Variants in SEZ6L observed in about 807,000 individuals in gnomAD.
The protein encoded by SEZ6L is seizure 6-like protein.
A neutral mutation model predicts 106.2 loss-of-function variants in SEZ6L; 37 were observed. That is an observed-to-expected ratio of 0.35 (90% CI 0.27 to 0.46). The LOEUF (loss-of-function observed/expected upper bound fraction) is 0.46. SEZ6L is among the 20% of genes least tolerant of loss of function. The pLI is 1.00. For synonymous variants in SEZ6L, 541 were observed against 570.4 expected (o/e 0.95, Z 0.73); for missense variants, 1,172 against 1,332.8 (o/e 0.88, Z 1.88).
At chr22:26,265,734 C>G (rs935089946) in intron 1 of SEZ6L, among the ~76,000 whole-genome samples, 1 of 152,144 alleles carries the variant, frequency 6.6e-6, no homozygotes, top group Non-Finnish European at 1.5e-5. Flanking sequence ...TAGAATAAAC[C>G]AGGTCATTCT....
chr22:26,266,530 A>ATG (rs2080189605), intron 1 of SEZ6L, among the ~76,000 whole-genome samples: 1 of 151,776 alleles, frequency 6.6e-6, no homozygotes, highest in African/African-American at 2.4e-5. Context: ...CCGAGATCGC[A>ATG]CCACTGCACT....
At chr22:26,347,199 A>G (rs1044101908) in intron 10 of SEZ6L, among the ~76,000 whole-genome samples, 10 of 149,728 alleles carry the variant, frequency 6.7e-5, no homozygotes, top group African/African-American at 2.2e-4. Flanking sequence ...CTGTAAAAAT[A>G]ATGATGATGA....
rs193207639 is a variant in SEZ6L, at chr22:26,351,827, A to G, written c.2599+584A>G. On this transcript the variant is annotated intron_variant, in intron 12 of 16. Coordinates refer to ENST00000248933, the MANE Select transcript of SEZ6L (RefSeq NM_021115.5). Reference sequence around the variant, plus strand: ...CTCCCAAAGTGCTGGGATTACAGGCATGAGCCACCACCCTGGCTTCACTGA... The same window carrying G: ...CTCCCAAAGTGCTGGGATTACAGGCGTGAGCCACCACCCTGGCTTCACTGA... Among the ~76,000 whole-genome samples, 910 of 151,324 alleles carry G rather than the reference A, an allele frequency of 6.0e-3. 3 individuals carry two copies. Among genetic ancestry groups the G allele is most frequent in the Non-Finnish European group, 1.0e-2 (676 of 67,852 alleles).
At chr22:26,214,435 A>G (rs1410412483) in intron 1 of SEZ6L, among the ~76,000 whole-genome samples, 1 of 152,232 alleles carries the variant, frequency 6.6e-6, no homozygotes, top group Non-Finnish European at 1.5e-5. Context: ...CCGTTTTCTC[A>G]GATAGAACAT....
At chr22:26,216,039 C>T (rs1411903919) in intron 1 of SEZ6L, among the ~76,000 whole-genome samples, 1 of 152,164 alleles carries the variant, frequency 6.6e-6, no homozygotes, top group Non-Finnish European at 1.5e-5. Context: ...TTGAGTGATT[C>T]CCATCTTCCT....
intron 13 of SEZ6L, among the ~76,000 whole-genome samples, chr22:26,367,221 C>T (rs1240408134): frequency 6.6e-6 from 1 of 152,202 alleles, no homozygotes; most frequent in East Asian, 1.9e-4. Flanking sequence ...GGTGACCAAG[C>T]GTCCCGTAGA....
intron 2 of SEZ6L, 86 bp from the exon 3 acceptor site, chr22:26,294,206 C>G: frequency 7.2e-7 from 1 of 1,398,526 alleles, no homozygotes; most frequent in South Asian, 1.3e-5. Context: ...GCAGGTTCCC[C>G]TAAAGCCCCC....
chr22:26,209,009 A>G (rs1315932108), intron 1 of SEZ6L, among the ~76,000 whole-genome samples: 1 of 151,588 alleles, frequency 6.6e-6, no homozygotes, highest in South Asian at 2.1e-4. Context: ...CTTCGAGTTT[A>G]TTTACACTTT....
At chr22:26,370,686 T>A (rs2084000245) in intron 13 of SEZ6L, among the ~76,000 whole-genome samples, 1 of 148,624 alleles carries the variant, frequency 6.7e-6, no homozygotes, top group Non-Finnish European at 1.5e-5. Flanking sequence ...GATGTTTGTT[T>A]TTGTTTTACA....
At chr22:26,215,115 C>A (rs530823116) in intron 1 of SEZ6L, among the ~76,000 whole-genome samples, 1 of 152,110 alleles carries the variant, frequency 6.6e-6, no homozygotes, top group South Asian at 2.1e-4. Context: ...TGGTTAGAAG[C>A]GAAGACCGAA....
chr22:26,304,362 AAAGAAAGAAGAAAG>A (rs1312171119), intron 5 of SEZ6L, among the ~76,000 whole-genome samples: 1,871 of 127,836 alleles, frequency 0.015, 66 homozygotes, highest in African/African-American at 0.024. Context: ...AAAAAAAAAA[AAAGAAAGAAGAAAG>A]AAAGAAAGAA....
chr22:26,348,566 GAAAGAAAGAAAGAAA>G (rs2083095377), intron 11 of SEZ6L, among the ~76,000 whole-genome samples: 8 of 52,880 alleles, frequency 1.5e-4, no homozygotes, highest in African/African-American at 5.6e-4. Flanking sequence ...AGGAAGGGAG[GAAAGAAAGAAAGAAA>G]GAAAGAGAAA....
At chr22:26,359,454 C>T (rs946266022) in intron 12 of SEZ6L, among the ~76,000 whole-genome samples, 5 of 152,158 alleles carry the variant, frequency 3.3e-5, no homozygotes, top group Non-Finnish European at 7.3e-5. Flanking sequence ...TAGCTTGTGA[C>T]CTTTAACACG....
At chr22:26,342,459 G>A (rs1601552547) in intron 10 of SEZ6L, among the ~76,000 whole-genome samples, 2 of 152,116 alleles carry the variant, frequency 1.3e-5, no homozygotes. Flanking sequence ...GGAGGCTGAG[G>A]CGGGCAGATT....
At chr22:26,185,904 A>G (rs1939744666) in intron 1 of SEZ6L, among the ~76,000 whole-genome samples, 1 of 152,126 alleles carries the variant, frequency 6.6e-6, no homozygotes. Context: ...TAGTACGAAT[A>G]GGGGTGGGAA....
At chr22:26,264,815 T>G (rs1404994138) in intron 1 of SEZ6L, among the ~76,000 whole-genome samples, 1 of 152,206 alleles carries the variant, frequency 6.6e-6, no homozygotes, top group African/African-American at 2.4e-5. Context: ...CCCATGGATT[T>G]TCTGTTATCA....
intron 9 of SEZ6L, among the ~76,000 whole-genome samples, chr22:26,316,928 A>AAAGAAAGAAAAGAAAGAAAGG (rs1386733519): frequency 6.6e-6 from 1 of 151,728 alleles, no homozygotes; most frequent in Admixed American, 6.6e-5. Flanking sequence ...AAAGAAAAAG[A>AAAGAAAGAAAAGAAAGAAAGG]AAGAAAGAAA....
intron 1 of SEZ6L, among the ~76,000 whole-genome samples, chr22:26,212,384 C>T (rs758393744): frequency 1.6e-4 from 25 of 152,218 alleles, no homozygotes; most frequent in Admixed American, 1.1e-3. Context: ...AGTTGGAAAC[C>T]CCATTGCTCC....
intron 9 of SEZ6L, among the ~76,000 whole-genome samples, chr22:26,316,123 T>A (rs2081990054): frequency 6.6e-6 from 1 of 152,238 alleles, no homozygotes; most frequent in Non-Finnish European, 1.5e-5. Flanking sequence ...TCTCTCTGAC[T>A]TCTAGAGTCT....
Sources: allele counts gnomAD v4.1 joint callset (sites outside exome capture counted in the v4.1 genomes callset), GRCh38; gene constraint gnomAD v4.1.1; transcripts MANE v1.5; gene names NCBI Gene and HGNC (gene_info 2026-07-23, HGNC 2026-07-21).